The following CLPX variants were observed in gnomAD, a reference collection of about 807,000 sequenced individuals.
CLPX encodes the protein ATP-dependent clpX-like chaperone, mitochondrial.
Under a neutral mutation model 76.4 loss-of-function variants are expected in CLPX, and 34 were observed. The ratio of observed to expected loss-of-function variants is 0.45; its 90% CI spans 0.34 to 0.59. The LOEUF (loss-of-function observed/expected upper bound fraction) is 0.59. CLPX is among the 20% of genes least tolerant of loss of function. The pLI is 0.01. For missense variants in CLPX, 613 were observed against 757.0 expected (o/e 0.81, Z 2.23); for synonymous variants, 248 against 270.9 (o/e 0.92, Z 0.83).
intron 1 of CLPX, among the ~76,000 whole-genome samples, chr15:65,180,864 A>G (rs1477284667): frequency 6.6e-6 from 1 of 150,808 alleles, no homozygotes; most frequent in Non-Finnish European, 1.5e-5. Flanking sequence ...AAGTCGTGCC[A>G]CCGCACTCCA....
intron 1 of CLPX, among the ~76,000 whole-genome samples, chr15:65,184,814 C>T (rs2088232615): frequency 6.6e-6 from 1 of 152,270 alleles, no homozygotes; most frequent in African/African-American, 2.4e-5. Flanking sequence ...GGCCGCATTC[C>T]GGCCCCAAAG....
Position 65,164,115 on chromosome 15 carries a change from T to C in CLPX, c.587A>G (p.Asn196Ser), listed in dbSNP as rs774744211. The C allele has an allele frequency of 9.9e-6, 16 of 1,613,394 alleles. No individual in the cohort carries two copies. The highest frequency in any genetic ancestry group is 1.4e-5 in the Non-Finnish European group (16 of 1,179,610). ...ATTATTATATATTCTCTTATAATGA[T>C]TGTACACAGCAACTGAAAGCACCTT... ...AKKVLSVAVYNHYKRIYNNIP... is the reference protein window; with the variant it reads ...AKKVLSVAVYSHYKRIYNNIP... Residue 196 changes from asparagine (N) to serine (S), a missense_variant, in exon 5 of 14, where the codon AAT becomes AGT. This residue lies in a region of CLPX where 450 missense variants were observed against 638.6 expected (regional missense o/e 0.70). Coordinates refer to ENST00000300107, the MANE Select transcript of CLPX (RefSeq NM_006660.5).
intron 12 of CLPX, among the ~76,000 whole-genome samples, 162 bp from the exon 13 acceptor site, chr15:65,152,698 C>CAT (rs34034680): frequency 0.032 from 4,650 of 145,744 alleles, 236 homozygotes; most frequent in African/African-American, 0.11. Context: ...TATATATAAA[C>CAT]ATATATATAT....
chr15:65,176,149 TCTAA>T (rs773392978), intron 3 of CLPX, among the ~76,000 whole-genome samples: 14 of 152,228 alleles, frequency 9.2e-5, no homozygotes, highest in African/African-American at 1.7e-4. Context: ...CCACACTTGG[TCTAA>T]CTAATAATAT....
chr15:65,155,159 T>C, intron 10 of CLPX, 78 bp from the exon 11 acceptor site: 12 of 1,218,428 alleles, frequency 9.8e-6, no homozygotes, highest in Non-Finnish European at 1.4e-5. Context: ...ACATATTTCA[T>C]ATGATCTTTG....
intron 3 of CLPX, among the ~76,000 whole-genome samples, chr15:65,173,706 T>C (rs577943131): frequency 2.0e-5 from 3 of 152,136 alleles, no homozygotes; most frequent in Non-Finnish European, 4.4e-5. Context: ...TAAAAAGCAA[T>C]GAAATACTGA....
intron 3 of CLPX, among the ~76,000 whole-genome samples, chr15:65,170,485 C>T (rs1488626576): frequency 6.6e-6 from 1 of 152,128 alleles, no homozygotes; most frequent in Non-Finnish European, 1.5e-5. Flanking sequence ...CAACTTTAGG[C>T]TGAGCGGGGT....
Position 65,180,084 on chromosome 15 carries a change from T to G in CLPX, c.200A>C (p.Lys67Thr), listed in dbSNP as rs764783427. Residue 67 changes from lysine to threonine, a missense_variant, in exon 2 of 14, where the codon AAA becomes ACA. This residue lies in a region of CLPX where 163 missense variants were observed against 118.4 expected (regional missense o/e 1.38). Transcript: ENST00000300107. ...FTETPAYFAS[K>T]DGISKDGSGD... Reference sequence around the variant, plus strand: ...AGAACCATCTTTACTTATCCCATCTTTTGAGGCAAAGTATGCTGGTGTTTC... The same window carrying G: ...AGAACCATCTTTACTTATCCCATCTGTTGAGGCAAAGTATGCTGGTGTTTC... The G allele has an allele frequency of 6.2e-7, 1 of 1,611,412 alleles. No homozygotes were observed. Among genetic ancestry groups the G allele is most frequent in the Non-Finnish European group, 8.5e-7 (1 of 1,178,672 alleles).
chr15:65,161,157 G>A (rs193067802), intron 6 of CLPX, among the ~76,000 whole-genome samples: 173 of 152,230 alleles, frequency 1.1e-3, no homozygotes, highest in Non-Finnish European at 1.3e-3. Context: ...CATTTCCCTA[G>A]TGTTTAATTA....
chr15:65,183,145 CT>C (rs2088199967), intron 1 of CLPX, among the ~76,000 whole-genome samples: 1 of 148,170 alleles, frequency 6.7e-6, no homozygotes, highest in African/African-American at 2.5e-5. Flanking sequence ...GCCCGGGCAA[CT>C]TAGCAGATTC....
intron 6 of CLPX, 146 bp downstream of exon 6, chr15:65,162,458 G>A (rs1343870216): frequency 1.9e-6 from 1 of 516,782 alleles, no homozygotes; most frequent in East Asian, 3.3e-5. Context: ...ATACCATGTA[G>A]GATAAACACA....
At chr15:65,161,488 A>T (rs2087856130) in intron 6 of CLPX, among the ~76,000 whole-genome samples, 2 of 152,158 alleles carry the variant, frequency 1.3e-5, no homozygotes, top group South Asian at 2.1e-4. Flanking sequence ...AGCTTTTGAA[A>T]TATTTGTTTC....
At chr15:65,170,122 T>G (rs1002668340) in intron 3 of CLPX, among the ~76,000 whole-genome samples, 1 of 152,082 alleles carries the variant, frequency 6.6e-6, no homozygotes, top group Non-Finnish European at 1.5e-5. Flanking sequence ...ATTTCTGTTC[T>G]CAAGGGATCC....
At chr15:65,180,302 T>C (rs2088148654) in intron 1 of CLPX, 98 bp from the exon 2 acceptor site, 1 of 921,792 alleles carries the variant, frequency 1.1e-6, no homozygotes, top group African/African-American at 1.7e-5. Flanking sequence ...GAAAAAAAGC[T>C]ATCATTTTCA....
At chr15:65,182,541 T>C (rs2088189267) in intron 1 of CLPX, among the ~76,000 whole-genome samples, 1 of 152,222 alleles carries the variant, frequency 6.6e-6, no homozygotes, top group Non-Finnish European at 1.5e-5. Context: ...TATGAAAATA[T>C]TTCTGATTTT....
intron 3 of CLPX, among the ~76,000 whole-genome samples, chr15:65,170,526 A>C (rs1218844876): frequency 6.6e-6 from 1 of 152,082 alleles, no homozygotes; most frequent in Non-Finnish European, 1.5e-5. Flanking sequence ...GCACTTTGGG[A>C]GGCCGAGGCG....
intron 8 of CLPX, among the ~76,000 whole-genome samples, chr15:65,157,326 G>C (rs2087802597): frequency 6.6e-6 from 1 of 152,140 alleles, no homozygotes; most frequent in African/African-American, 2.4e-5. Context: ...CTCTTCACGT[G>C]AACAAGAACA....
In CLPX at chr15:65,155,682, A is replaced by G. The variant is rs764673178; in HGVS notation, c.1311+10T>C. Reference sequence around the variant, plus strand: ...CTCTATCCTTCTAGTAACCCCTCAGAAAAACTTACCTTTTCATTTTTCCTC... The same window carrying G: ...CTCTATCCTTCTAGTAACCCCTCAGGAAAACTTACCTTTTCATTTTTCCTC... On this transcript the variant is annotated intron_variant, in intron 10 of 13. Transcript: ENST00000300107. 2.5e-6 allele frequency: 4 copies of G among 1,609,314 alleles called. No homozygotes were observed. The African/African-American group carries it at 5.4e-5, about 22-fold the overall frequency.
At chr15:65,173,938 T>C (rs1355933128) in intron 3 of CLPX, among the ~76,000 whole-genome samples, 1 of 152,152 alleles carries the variant, frequency 6.6e-6, no homozygotes, top group African/African-American at 2.4e-5. Flanking sequence ...TGTTCTGGAA[T>C]TAGATAGTGG....
Sources: allele counts gnomAD v4.1 joint callset (sites outside exome capture counted in the v4.1 genomes callset), GRCh38; gene constraint gnomAD v4.1.1; regional missense constraint gnomAD v4.1.1; transcripts MANE v1.5; gene names NCBI Gene and HGNC (gene_info 2026-07-23, HGNC 2026-07-21).